TMEM132E: variants seen among roughly 807,000 people sequenced by gnomAD.
TMEM132E encodes the protein transmembrane protein 132E.
In TMEM132E, 49 loss-of-function variants were observed where a neutral mutation model predicts 78.5. The ratio of observed to expected loss-of-function variants is 0.62; its 90% CI spans 0.50 to 0.79. The LOEUF (loss-of-function observed/expected upper bound fraction) is 0.79. Among genes scored for constraint, TMEM132E ranks in the 30% least tolerant of loss-of-function variants. TMEM132E has a pLI of 0.00. For synonymous variants in TMEM132E, 715 were observed against 670.6 expected, an observed-to-expected ratio of 1.07 and a Z score of -1.02; for missense variants, 1,403 against 1,470.9, an observed-to-expected ratio of 0.95 and a Z score of 0.75.
intron 1 of TMEM132E, among the ~76,000 whole-genome samples, chr17:34,601,571 G>C (rs962992111): frequency 2.6e-5 from 4 of 152,214 alleles, no homozygotes; most frequent in African/African-American, 9.6e-5. Context: ...TGTGGGAGGG[G>C]GCTGTCCCTG....
rs753247039 is a variant in TMEM132E at position 34,637,161 on chromosome 17, TCTC to T, written c.2170-13_2170-11del. The T allele has an allele frequency of 2.6e-5, 41 of 1,583,998 alleles. No individual in the cohort carries two copies. Among genetic ancestry groups the T allele is most frequent in the Non-Finnish European group, 3.4e-5 (39 of 1,161,898 alleles). ...AGCTCTTTGACTCCTATCCCCTCCTTCTCCTTCTCCTCCAGGAAGCCCTACTGA... is the reference window on the plus strand; with the variant it reads ...AGCTCTTTGACTCCTATCCCCTCCTTCTTCTCCTCCAGGAAGCCCTACTGA... On this transcript the variant is annotated splice_polypyrimidine_tract_variant and intron_variant, in intron 8 of 8. Transcript: ENST00000631683.
chr17:34,591,686 C>T (rs1009889532), intron 1 of TMEM132E, among the ~76,000 whole-genome samples: 2 of 151,988 alleles, frequency 1.3e-5, no homozygotes, highest in Admixed American at 6.6e-5. Flanking sequence ...GCTGAAGGAG[C>T]GGATCCACAC....
chr17:34,638,170 A>G lies in TMEM132E; in HGVS notation c.3163A>G (p.Thr1055Ala). The G allele has an allele frequency of 6.3e-7, 1 of 1,599,404 alleles. No individual in the cohort carries two copies. Among genetic ancestry groups the G allele is most frequent in the Non-Finnish European group, 8.5e-7 (1 of 1,174,260 alleles). The change falls in exon 9 of 9, where the codon ACG becomes GCG. Residue 1055 changes from threonine to alanine, a missense_variant. This residue lies in a region of TMEM132E where 888 missense variants were observed against 952.8 expected (regional missense o/e 0.93). Coordinates refer to ENST00000631683, the MANE Select transcript of TMEM132E (RefSeq NM_001304438.2). ...GWGCPDVAGP[T>A]RPTAPPDLHN... ...GGGCTGCCCGGATGTGGCGGGCCCC[A>G]CGCGGCCCACTGCACCCCCGGACCT...
intron 3 of TMEM132E, 116 bp downstream of exon 3, chr17:34,628,825 G>T: frequency 1.4e-6 from 2 of 1,404,332 alleles, no homozygotes; most frequent in African/African-American, 1.4e-5. Flanking sequence ...GGTCATTGGG[G>T]TCTCTGAGGT....
intron 1 of TMEM132E, among the ~76,000 whole-genome samples, chr17:34,589,328 G>A (rs1003256102): frequency 6.6e-6 from 1 of 152,136 alleles, no homozygotes; most frequent in Non-Finnish European, 1.5e-5. Flanking sequence ...GGAGGGGAAA[G>A]GGCCAGGGGC....
intron 1 of TMEM132E, among the ~76,000 whole-genome samples, chr17:34,609,921 T>C (rs999887439): frequency 1.3e-5 from 2 of 152,156 alleles, no homozygotes; most frequent in Non-Finnish European, 2.9e-5. Flanking sequence ...ATCTCTTTGC[T>C]TTCCCTCTTC....
In TMEM132E at chr17:34,632,861, G is replaced by T. The variant is rs145662083; in HGVS notation, c.1640G>T (p.Arg547Leu). 6.2e-7 allele frequency: 1 copy of T among 1,614,182 alleles called. No individual in the cohort carries two copies. Residue 547 changes from arginine (R) to leucine (L), a missense_variant, in exon 6 of 9, where the codon CGC becomes CTC. Coordinates refer to ENST00000631683, the MANE Select transcript of TMEM132E (RefSeq NM_001304438.2). The part of the protein sequence containing the change: ...LPLHIELSDA[R>L]LSQVKGWRVP... Reference sequence around the variant, plus strand: ...TTGCACATTGAGCTCTCAGATGCCCGCCTCAGCCAAGTGAAGGGCTGGAGG... The same window carrying T: ...TTGCACATTGAGCTCTCAGATGCCCTCCTCAGCCAAGTGAAGGGCTGGAGG...
In TMEM132E at chr17:34,598,572, C is replaced by T. The variant is rs534882790; in HGVS notation, c.67+17429C>T. Among the ~76,000 whole-genome samples, 10 of 152,304 alleles carry T rather than the reference C, an allele frequency of 6.6e-5. No individual in the cohort carries two copies. The South Asian group carries it at 2.1e-3, about 32-fold the overall frequency. Reference sequence around the variant, plus strand: ...CCTACCCAGGACAGCCCTGCCCACCCCTGACAGAAGGCGGGATTGTTCCAG... The same window carrying T: ...CCTACCCAGGACAGCCCTGCCCACCTCTGACAGAAGGCGGGATTGTTCCAG... On this transcript the variant is annotated intron_variant, in intron 1 of 8. Coordinates refer to ENST00000631683, the MANE Select transcript of TMEM132E (RefSeq NM_001304438.2).
Position 34,607,753 on chromosome 17 carries a change from C to CTT in TMEM132E, c.68-18363_68-18362dup, listed in dbSNP as rs113434207. ...TATGGCTCAAAGAACTCAGGAAAAT[C>CTT]TTTTTTTTTTTTAACTATTACCAGT... On this transcript the variant is annotated intron_variant, in intron 1 of 8. Coordinates refer to ENST00000631683, the MANE Select transcript of TMEM132E (RefSeq NM_001304438.2). Among the ~76,000 whole-genome samples the CTT allele has an allele frequency of 2.4e-3, 350 of 145,750 alleles. 4 individuals are homozygous for CTT. The highest frequency in any genetic ancestry group is 8.0e-3 in the African/African-American group (322 of 40,140).
chr17:34,610,609 TC>T (rs1417618350), intron 1 of TMEM132E, among the ~76,000 whole-genome samples: 13 of 151,958 alleles, frequency 8.6e-5, no homozygotes, highest in Non-Finnish European at 1.8e-4. Flanking sequence ...CTGAGGGAGG[TC>T]CCCAAACACC....
Position 34,638,984 on chromosome 17 carries a change from G to A in TMEM132E, c.*752G>A, listed in dbSNP as rs1907647643. 6.6e-6 allele frequency: 1 copy of A among 152,648 alleles called. No individual in the cohort carries two copies. Among genetic ancestry groups the A allele is most frequent in the African/African-American group, 2.4e-5 (1 of 41,396 alleles). 9.5% of individuals were successfully genotyped at this position (152,648 alleles called of 1,614,324 possible). A position where few individuals can be genotyped will look rare whatever the true frequency, so the allele number is the denominator to read the frequency against. On this transcript the variant is annotated 3_prime_UTR_variant, in exon 9 of 9. Coordinates refer to ENST00000631683, the MANE Select transcript of TMEM132E (RefSeq NM_001304438.2). ...ATCACACCCCAGAGCCAGAGGCCTG[G>A]GGACCTCCTTGCCTTCCCCGTCCCC... is the stretch of plus-strand genomic sequence containing the variant.
intron 1 of TMEM132E, among the ~76,000 whole-genome samples, chr17:34,596,335 C>T (rs114072027): frequency 1.0e-3 from 159 of 152,248 alleles, no homozygotes; most frequent in African/African-American, 3.2e-3. Flanking sequence ...TATGTGGATG[C>T]GGAAACTGAG....
intron 1 of TMEM132E, among the ~76,000 whole-genome samples, chr17:34,613,211 A>ACACACACACACTCG: frequency 8.6e-6 from 1 of 115,856 alleles, no homozygotes; most frequent in Non-Finnish European, 1.8e-5. Context: ...ACACACACAC[A>ACACACACACACTCG]CGCGCGCGCG....
At chr17:34,631,631 A>G (rs186372156) in intron 5 of TMEM132E, among the ~76,000 whole-genome samples, 12 of 152,220 alleles carry the variant, frequency 7.9e-5, no homozygotes, top group African/African-American at 2.9e-4. Flanking sequence ...CTGCTGTCCC[A>G]TCCCTCCACC....
intron 1 of TMEM132E, among the ~76,000 whole-genome samples, chr17:34,590,942 G>A (rs920565035): frequency 1.3e-5 from 2 of 151,870 alleles, no homozygotes; most frequent in Non-Finnish European, 2.9e-5. Flanking sequence ...ATGAGCACCA[G>A]AAGTCATCTG....
chr17:34,633,589 G>A (rs73284097), intron 6 of TMEM132E, among the ~76,000 whole-genome samples: 113 of 152,374 alleles, frequency 7.4e-4, no homozygotes, highest in African/African-American at 2.6e-3. Flanking sequence ...AGAGAAGAGA[G>A]GAAAGTGACA....
rs918748396 is a variant in TMEM132E at position 34,638,348 on chromosome 17, C to T, written c.*116C>T. The T allele has an allele frequency of 4.3e-6, 5 of 1,163,134 alleles. No individual in the cohort carries two copies. The African/African-American group carries it at 6.3e-5, about 15-fold the overall frequency. The allele number at this position is 1,163,134 out of a possible 1,614,324, so 72.1% of individuals were successfully genotyped here. On this transcript the variant is annotated 3_prime_UTR_variant, in exon 9 of 9. Transcript: ENST00000631683. Reference sequence around the variant, plus strand: ...GGCGGCTGAATTGATTTTGTACTCCCTGCCCCTGCAGCTTGGCTCCGTGCG... The same window carrying T: ...GGCGGCTGAATTGATTTTGTACTCCTTGCCCCTGCAGCTTGGCTCCGTGCG...
At position 34,636,331 on chromosome 17, in the gene TMEM132E, C is replaced by G. The variant is rs1907522041; in HGVS notation, c.2169+133C>G. 6.5e-6 allele frequency: 6 copies of G among 929,838 alleles called. No homozygotes were observed. The East Asian group carries it at 2.0e-4, about 31-fold the overall frequency. The allele number at this position is 929,838 out of a possible 1,614,324, so 57.6% of individuals were successfully genotyped here. On this transcript the variant is annotated intron_variant, in intron 8 of 8. Coordinates refer to ENST00000631683, the MANE Select transcript of TMEM132E (RefSeq NM_001304438.2). ...AATGGAGGATCTCTGCCCTCCATGCCCTGCACAACTGCCCACCCTATGGCC... is the reference window on the plus strand; with the variant it reads ...AATGGAGGATCTCTGCCCTCCATGCGCTGCACAACTGCCCACCCTATGGCC...
intron 7 of TMEM132E, chr17:34,635,764 A>C: frequency 2.6e-6 from 1 of 385,678 alleles, no homozygotes; most frequent in Non-Finnish European, 4.6e-6. Flanking sequence ...TTTCCTTAGA[A>C]TTGGCCCACC....
Sources: allele counts gnomAD v4.1 joint callset (sites outside exome capture counted in the v4.1 genomes callset), GRCh38; gene constraint gnomAD v4.1.1; regional missense constraint gnomAD v4.1.1; transcripts MANE v1.5; gene names NCBI Gene and HGNC (gene_info 2026-07-23, HGNC 2026-07-21).